Variants in FYB2 observed in about 807,000 individuals in gnomAD.
FYB2 encodes the protein FYN binding protein 2, also known as FYN-binding protein 2.
In FYB2, 103 loss-of-function variants were observed where a neutral mutation model predicts 94.1. The ratio of observed to expected loss-of-function variants is 1.09; its 90% confidence interval spans 0.93 to 1.29. The LOEUF (loss-of-function observed/expected upper bound fraction) is 1.29. Among genes scored for constraint, FYB2 ranks in the 50% most tolerant of loss-of-function variants. The pLI, the probability that FYB2 is intolerant of heterozygous loss-of-function variation, is 0.00. For missense variants in FYB2, 896 were observed against 841.5 expected (o/e 1.06, Z -0.80); for synonymous variants, 293 against 287.9 (o/e 1.02, Z -0.18).
chr1:56,815,385 A>G (rs7536567), intron 1 of FYB2, among the ~76,000 whole-genome samples: 35,459 of 152,034 alleles, frequency 0.23, 4,319 homozygotes, highest in Middle Eastern at 0.28. Flanking sequence ...GCCTTCCTCC[A>G]TCAATCTACT....
intron 15 of FYB2, among the ~76,000 whole-genome samples, chr1:56,728,199 T>G (rs12751998): frequency 0.093 from 14,188 of 152,108 alleles, 1,496 homozygotes; most frequent in African/African-American, 0.26. Flanking sequence ...CTACTCCCCC[T>G]CTTACCCCTC....
chr1:56,810,419 C>A (rs531289600), intron 1 of FYB2, among the ~76,000 whole-genome samples: 32 of 152,202 alleles, frequency 2.1e-4, no homozygotes, highest in African/African-American at 7.5e-4. Flanking sequence ...ACCGAGGCAG[C>A]TAACAATGCT....
intron 15 of FYB2, among the ~76,000 whole-genome samples, chr1:56,734,169 G>A (rs1056351908): frequency 6.6e-6 from 1 of 152,054 alleles, no homozygotes; most frequent in East Asian, 1.9e-4. Context: ...ATAATGTAAT[G>A]GCCTTCTTTG....
chr1:56,730,690 C>A lies in FYB2; in HGVS notation c.1794-4107G>T, dbSNP rs1644689124. Reference sequence around the variant, plus strand: ...AGTCTAGGACTAGATGGCTTCCCTGCTGAATTCTACTGAACCTTTAAAAAA... The same window carrying A: ...AGTCTAGGACTAGATGGCTTCCCTGATGAATTCTACTGAACCTTTAAAAAA... On this transcript the variant is annotated intron_variant, in intron 15 of 19. Transcript: ENST00000343433. 2.0e-5 allele frequency among the ~76,000 whole-genome samples: 3 copies of A among 152,056 alleles called. No homozygotes were observed. The South Asian group carries it at 6.2e-4, about 32-fold the overall frequency.
chr1:56,746,505 A>T (rs1645070477), intron 9 of FYB2, among the ~76,000 whole-genome samples: 1 of 151,990 alleles, frequency 6.6e-6, no homozygotes. Context: ...CCTGACTTCT[A>T]ATACCAGCGG....
At chr1:56,818,525 G>A (rs1421854768) in intron 1 of FYB2, among the ~76,000 whole-genome samples, 6 of 149,986 alleles carry the variant, frequency 4.0e-5, no homozygotes, top group Admixed American at 2.7e-4. Context: ...AAAAGAAACT[G>A]ACTTACTGAA....
intron 15 of FYB2, among the ~76,000 whole-genome samples, chr1:56,731,372 G>T (rs1393904174): frequency 6.6e-6 from 1 of 152,016 alleles, no homozygotes; most frequent in African/African-American, 2.4e-5. Flanking sequence ...TAGAGATGGG[G>T]TCCCACTATG....
chr1:56,780,476 G>A (rs1487462358), intron 4 of FYB2, among the ~76,000 whole-genome samples: 1 of 152,160 alleles, frequency 6.6e-6, no homozygotes, highest in African/African-American at 2.4e-5. Context: ...CATTAAGGCA[G>A]CCTGGGGTGA....
upstream of FYB2, chr1:56,823,914 G>T (rs1647007843): frequency 6.6e-6 from 1 of 152,208 alleles, no homozygotes; most frequent in Non-Finnish European, 1.5e-5. Context: ...GATGGGGCTT[G>T]CCTGGAAGTA....
At chr1:56,736,195 A>G (rs1403746576) in intron 15 of FYB2, among the ~76,000 whole-genome samples, 1 of 152,110 alleles carries the variant, frequency 6.6e-6, no homozygotes, top group Non-Finnish European at 1.5e-5. Flanking sequence ...ATATTTTAAG[A>G]TATAGAGAAG....
At position 56,732,244 on chromosome 1, in the gene FYB2, A is replaced by C. The variant is rs912571993; in HGVS notation, c.1793+4843T>G. On this transcript the variant is annotated intron_variant, in intron 15 of 19. Transcript: ENST00000343433. ...ATCTGGTTTATAATAGCTGCAAAAA[A>C]CAAAAATACATAGGAATAAATTTAG... Among the ~76,000 whole-genome samples the C allele has an allele frequency of 4.6e-5, 7 of 152,320 alleles. No individual in the cohort carries two copies. In the East Asian group the frequency reaches 1.2e-3, roughly 25 times the overall value.
intron 9 of FYB2, among the ~76,000 whole-genome samples, chr1:56,749,202 T>C (rs556291105): frequency 2.0e-5 from 3 of 152,024 alleles, no homozygotes; most frequent in African/African-American, 7.2e-5. Context: ...TTAGGGTTCC[T>C]GGCTTTGCAA....
At chr1:56,773,412 T>G (rs1265804033) in intron 4 of FYB2, among the ~76,000 whole-genome samples, 10 of 152,226 alleles carry the variant, frequency 6.6e-5, no homozygotes, top group African/African-American at 2.4e-4. Flanking sequence ...CTACCATTTC[T>G]TGAGGGCTTA....
At chr1:56,742,071 G>A (rs1407618170) in intron 12 of FYB2, 90 bp downstream of exon 12, 17 of 1,088,768 alleles carry the variant, frequency 1.6e-5, no homozygotes, top group Non-Finnish European at 2.3e-5. Flanking sequence ...TGGGGCTGGG[G>A]GGCGGATGGT....
chr1:56,821,228 C>T (rs180821651), upstream of FYB2, among the ~76,000 whole-genome samples: 36 of 152,298 alleles, frequency 2.4e-4, no homozygotes, highest in African/African-American at 8.2e-4. Context: ...CCCCTAGTGG[C>T]CTCAGGCCAG....
chr1:56,762,466 A>G (rs1035835467), intron 5 of FYB2, among the ~76,000 whole-genome samples: 2 of 152,200 alleles, frequency 1.3e-5, no homozygotes, highest in Non-Finnish European at 2.9e-5. Context: ...TTTAAATATA[A>G]ACACATATCT....
At chr1:56,744,633 C>T (rs1645030167) in intron 9 of FYB2, among the ~76,000 whole-genome samples, 1 of 151,982 alleles carries the variant, frequency 6.6e-6, no homozygotes, top group Admixed American at 6.6e-5. Context: ...TGGGGCTTAT[C>T]TCTCTACATC....
chr1:56,743,535 A>G (rs1302288250), intron 11 of FYB2, among the ~76,000 whole-genome samples: 4 of 152,028 alleles, frequency 2.6e-5, no homozygotes, highest in African/African-American at 9.7e-5. Context: ...AGGGAAAAGC[A>G]TATGAAAATA....
intron 8 of FYB2, among the ~76,000 whole-genome samples, chr1:56,751,508 T>C (rs994253880): frequency 5.3e-5 from 8 of 152,020 alleles, no homozygotes; most frequent in African/African-American, 1.9e-4. Context: ...TGATACCTCA[T>C]GAGAAAAGTA....
Sources: gnomAD v4.1 joint callset for allele counts (sites outside exome capture counted in the v4.1 genomes callset) on GRCh38, gnomAD v4.1.1 for gene constraint, MANE v1.5 for transcripts, NCBI Gene and HGNC (gene_info 2026-07-23, HGNC 2026-07-21) for gene names.